The following DNAH10 variants were observed in gnomAD, a reference collection of about 807,000 sequenced individuals.
The protein encoded by DNAH10 is dynein axonemal heavy chain 10.
In DNAH10, 348 loss-of-function variants were observed where a neutral mutation model predicts 506.6. That is an observed-to-expected ratio of 0.69 (90% CI 0.63 to 0.75). The LOEUF is 0.75. Among genes scored for constraint, DNAH10 ranks in the 30% least tolerant of loss-of-function variants. The pLI, the probability that DNAH10 is intolerant of heterozygous loss-of-function variation, is 0.00. For synonymous variants in DNAH10, 2,059 were observed against 2,198.6 expected, an observed-to-expected ratio of 0.94 and a Z score of 1.78; for missense variants, 5,179 against 5,787.1, an observed-to-expected ratio of 0.89 and a Z score of 3.41.
chr12:123,831,349 C>T (rs1179558193), intron 26 of DNAH10, among the ~76,000 whole-genome samples: 1 of 152,196 alleles, frequency 6.6e-6, no homozygotes, highest in Non-Finnish European at 1.5e-5. Context: ...TACACAGGTA[C>T]ACACATACAC....
At position 123,875,424 on chromosome 12, in the gene DNAH10, A is replaced by G. The variant is rs374934914; in HGVS notation, c.8132A>G (p.Asn2711Ser). Reference sequence around the variant, plus strand: ...TTTATTTCGCTATTCAGTGTCTTCAATGTGCCATTTCCTTCAGAGGAGTCT... The same window carrying G: ...TTTATTTCGCTATTCAGTGTCTTCAGTGTGCCATTTCCTTCAGAGGAGTCT... ...PRFISLFSVFNVPFPSEESLH... is the reference protein window; with the variant it reads ...PRFISLFSVFSVPFPSEESLH... Residue 2711 changes from asparagine to serine, a missense_variant, in exon 47 of 79, where the codon AAT becomes AGT. Coordinates refer to ENST00000673944, the MANE Select transcript of DNAH10 (RefSeq NM_001372106.1). 36 of 1,613,908 alleles carry G rather than the reference A, an allele frequency of 2.2e-5. 1 individual carries two copies. Among genetic ancestry groups the G allele is most frequent in the East Asian group, 1.1e-4 (5 of 44,898 alleles).
chr12:123,931,815 C>T lies in DNAH10; in HGVS notation c.13096C>T (p.Arg4366Trp), dbSNP rs370371005. The T allele has an allele frequency of 1.1e-5, 18 of 1,613,856 alleles. No individual in the cohort carries two copies. Among genetic ancestry groups the T allele is most frequent in the Middle Eastern group, 1.6e-4 (1 of 6,084 alleles). Reference sequence around the variant, plus strand: ...GGAACGCTTCAACAAGCTTGTGGTCCGGATGACGAAGTCTCTGGCTGAACT... The same window carrying T: ...GGAACGCTTCAACAAGCTTGTGGTCTGGATGACGAAGTCTCTGGCTGAACT... ...ELERFNKLVV[R>W]MTKSLAELQR... is the part of the protein sequence containing the mutation. The change falls in exon 75 of 79, where the codon CGG (arginine) becomes TGG (tryptophan). Residue 4366 changes from arginine (R) to tryptophan (W), a missense_variant. Around this residue, in one of 3 missense-constraint regions of DNAH10, gnomAD observed 4,844 missense variants for 5,430.5 expected, o/e 0.89. Transcript: ENST00000673944.
Position 123,866,028 on chromosome 12 carries a change from A to G in DNAH10, c.7122A>G (p.Lys2374=), listed in dbSNP as rs771756547. ...GMVYVDPKNL[K]YRPYWKKWVN... is the part of the protein sequence containing the mutation. ...TTTATGTGGATCCTAAAAACTTGAAATATCGACCATACTGGAAAAAATGGG... is the reference window on the plus strand; with the variant it reads ...TTTATGTGGATCCTAAAAACTTGAAGTATCGACCATACTGGAAAAAATGGG... The change falls in exon 41 of 79, where the codon AAA becomes AAG. Residue 2374 remains lysine, a synonymous_variant. Transcript: ENST00000673944. The G allele has an allele frequency of 6.2e-7, 1 of 1,612,244 alleles. No homozygotes were observed. The highest frequency in any genetic ancestry group is 8.5e-7 in the Non-Finnish European group (1 of 1,179,434).
chr12:123,830,088 C>G (rs984024813), intron 25 of DNAH10, among the ~76,000 whole-genome samples: 2 of 152,208 alleles, frequency 1.3e-5, no homozygotes, highest in Non-Finnish European at 2.9e-5. Flanking sequence ...GTGGCAGGTT[C>G]TCTGAAGCTA....
intron 6 of DNAH10, 128 bp from the exon 7 acceptor site, chr12:123,782,979 C>A: frequency 1.4e-6 from 1 of 698,336 alleles, no homozygotes; most frequent in Non-Finnish European, 2.5e-6. Flanking sequence ...ATTATCAGGA[C>A]AGGGGATGCG....
intron 16 of DNAH10, among the ~76,000 whole-genome samples, chr12:123,802,757 C>T (rs547287094): frequency 6.7e-6 from 1 of 148,532 alleles, no homozygotes; most frequent in South Asian, 2.1e-4. Flanking sequence ...TAATTTTGGC[C>T]ATCTGATAGC....
chr12:123,922,178 T>C (rs1954759766), intron 65 of DNAH10, among the ~76,000 whole-genome samples: 2 of 151,858 alleles, frequency 1.3e-5, no homozygotes, highest in South Asian at 4.2e-4. Context: ...ATGGAGACCA[T>C]CCTGGCCAAC....
chr12:123,931,850 G>T lies in DNAH10; in HGVS notation c.13128+3G>T. 6.2e-7 allele frequency: 1 copy of T among 1,613,892 alleles called. No homozygotes were observed. The highest frequency in any genetic ancestry group is 8.5e-7 in the Non-Finnish European group (1 of 1,179,788). ...AGTCTCTGGCTGAACTTCAAAGGGT[G>T]AGCCTGTCTCTCATGTGCAGATTAC... is the stretch of plus-strand genomic sequence containing the variant. On this transcript the variant is annotated splice_donor_region_variant and intron_variant, in intron 75 of 78. Coordinates refer to ENST00000673944, the MANE Select transcript of DNAH10 (RefSeq NM_001372106.1).
At chr12:123,834,453 C>T (rs1002804657) in intron 27 of DNAH10, among the ~76,000 whole-genome samples, 11 of 152,108 alleles carry the variant, frequency 7.2e-5, no homozygotes, top group Non-Finnish European at 1.6e-4. Context: ...AGTGACCTGC[C>T]CACCTCGGGC....
At chr12:123,891,404 G>T (rs757250965) in intron 52 of DNAH10, among the ~76,000 whole-genome samples, 10 of 152,154 alleles carry the variant, frequency 6.6e-5, no homozygotes, top group Non-Finnish European at 1.5e-4. Context: ...AACTTCAACC[G>T]TAATACATAG....
At chr12:123,856,387 A>G (rs994611041) in intron 36 of DNAH10, among the ~76,000 whole-genome samples, 5 of 150,718 alleles carry the variant, frequency 3.3e-5, no homozygotes, top group African/African-American at 4.9e-5. Context: ...TCACGCCAGG[A>G]GTACGATGGC....
intron 19 of DNAH10, among the ~76,000 whole-genome samples, chr12:123,809,586 G>T (rs1315496449): frequency 6.6e-6 from 1 of 152,010 alleles, no homozygotes; most frequent in Non-Finnish European, 1.5e-5. Flanking sequence ...GAGTTCAAGG[G>T]TACAGTGAGG....
chr12:123,904,216 T>G (rs1440228561), intron 57 of DNAH10, among the ~76,000 whole-genome samples: 1 of 152,130 alleles, frequency 6.6e-6, no homozygotes, highest in African/African-American at 2.4e-5. Flanking sequence ...ATTAGTTCAG[T>G]GTTGAGGATG....
chr12:123,797,400 T>TC (rs1958320795), intron 13 of DNAH10, among the ~76,000 whole-genome samples: 2 of 150,848 alleles, frequency 1.3e-5, no homozygotes, highest in Admixed American at 1.3e-4. Context: ...CTTTTTCTTT[T>TC]TTTTTTTTTT....
chr12:123,918,084 G>A (rs1385806619), intron 64 of DNAH10, among the ~76,000 whole-genome samples: 1 of 152,212 alleles, frequency 6.6e-6, no homozygotes, highest in Non-Finnish European at 1.5e-5. Flanking sequence ...TGAGAAAGCA[G>A]AAAAGTTCAG....
At chr12:123,864,843 T>C in intron 40 of DNAH10, 113 bp downstream of exon 40, 1 of 1,269,012 alleles carries the variant, frequency 7.9e-7, no homozygotes, top group Non-Finnish European at 1.1e-6. Context: ...AAACAATGCA[T>C]AAGGGTTTAT....
intron 41 of DNAH10, 101 bp from the exon 42 acceptor site, chr12:123,867,366 G>A (rs1405217421): frequency 2.5e-5 from 32 of 1,278,376 alleles, no homozygotes; most frequent in Non-Finnish European, 3.1e-5. Context: ...TCATTCATCA[G>A]AAGATGTTGC....
intron 24 of DNAH10, among the ~76,000 whole-genome samples, chr12:123,823,562 G>C (rs1457665844): frequency 6.6e-6 from 1 of 152,148 alleles, no homozygotes; most frequent in African/African-American, 2.4e-5. Flanking sequence ...TAAAAGGAAA[G>C]GTATCATGAG....
Position 123,842,686 on chromosome 12 carries a change from G to A in DNAH10, c.5360+1141G>A, listed in dbSNP as rs114831251. On this transcript the variant is annotated intron_variant, in intron 30 of 78. Transcript: ENST00000673944. ...GCATCTTTATGTGGATATGTTCAGT[G>A]GATAAACTGGTAAAACTGGATGTCT... Among the ~76,000 whole-genome samples the A allele has an allele frequency of 5.7e-3, 862 of 152,296 alleles. 8 individuals carry two copies. Among genetic ancestry groups the A allele is most frequent in the African/African-American group, 0.02 (821 of 41,556 alleles).
Sources: gnomAD v4.1 joint callset for allele counts (sites outside exome capture counted in the v4.1 genomes callset) on GRCh38, gnomAD v4.1.1 for gene constraint, gnomAD v4.1.1 regional missense constraint, MANE v1.5 for transcripts, NCBI Gene and HGNC (gene_info 2026-07-23, HGNC 2026-07-21) for gene names.